Variants in TACR1 observed in about 807,000 individuals in gnomAD.
TACR1 encodes tachykinin receptor 1, also known as substance-P receptor.
In TACR1, 25 loss-of-function variants were observed where a neutral mutation model predicts 35.8. The observed-to-expected ratio is 0.70, with a 90% CI of 0.51 to 0.98. The LOEUF (loss-of-function observed/expected upper bound fraction) is 0.98. Among genes scored for constraint, TACR1 ranks in the 50% least tolerant of loss-of-function variants. The pLI is 0.00. For synonymous variants in TACR1, 195 were observed against 206.7 expected, an observed-to-expected ratio of 0.94 and a Z score of 0.48; for missense variants, 478 against 522.9, an observed-to-expected ratio of 0.91 and a Z score of 0.84.
chr2:75,193,519 A>C (rs961514982), intron 1 of TACR1, among the ~76,000 whole-genome samples: 1 of 152,222 alleles, frequency 6.6e-6, no homozygotes, highest in Non-Finnish European at 1.5e-5. Context: ...TTTTCTGGGC[A>C]ACTCCTCAAT....
At chr2:75,094,859 A>ATATATATATATATTTTT in intron 2 of TACR1, among the ~76,000 whole-genome samples, 1 of 113,134 alleles carries the variant, frequency 8.8e-6, no homozygotes, top group Admixed American at 8.5e-5. Context: ...ATATATATAT[A>ATATATATATATATTTTT]TTTTTTTTTT....
chr2:75,130,717 C>T (rs1396514197), intron 1 of TACR1, among the ~76,000 whole-genome samples: 1 of 152,226 alleles, frequency 6.6e-6, no homozygotes, highest in South Asian at 2.1e-4. Context: ...GCGTTAATCA[C>T]TGAACCTGTG....
intron 1 of TACR1, among the ~76,000 whole-genome samples, chr2:75,122,657 G>T (rs1259587948): frequency 6.6e-6 from 1 of 152,136 alleles, no homozygotes; most frequent in Non-Finnish European, 1.5e-5. Flanking sequence ...ATGATGTTGG[G>T]GGTGTGTAGT....
At chr2:75,084,268 G>T (rs1673148954) in intron 2 of TACR1, among the ~76,000 whole-genome samples, 1 of 152,164 alleles carries the variant, frequency 6.6e-6, no homozygotes, top group Non-Finnish European at 1.5e-5. Context: ...TGCATCCCAG[G>T]GATGAAGCCC....
intron 1 of TACR1, among the ~76,000 whole-genome samples, chr2:75,142,801 G>C (rs1359948192): frequency 2.0e-5 from 3 of 152,128 alleles, no homozygotes; most frequent in Non-Finnish European, 4.4e-5. Flanking sequence ...CATCCCAGTT[G>C]TTTTATAAAT....
chr2:75,125,473 C>A (rs903910025), intron 1 of TACR1, among the ~76,000 whole-genome samples: 1 of 152,296 alleles, frequency 6.6e-6, no homozygotes, highest in African/African-American at 2.4e-5. Context: ...GCATGAGCCA[C>A]CGCGCCGGGC....
intron 1 of TACR1, among the ~76,000 whole-genome samples, chr2:75,182,016 C>G (rs1316008031): frequency 6.6e-6 from 1 of 152,224 alleles, no homozygotes; most frequent in Non-Finnish European, 1.5e-5. Context: ...GTCTGTGGAT[C>G]AGTGATGTAC....
chr2:75,150,831 A>T (rs1674653040), intron 1 of TACR1, among the ~76,000 whole-genome samples: 1 of 152,226 alleles, frequency 6.6e-6, no homozygotes, highest in South Asian at 2.1e-4. Context: ...AGACTTGTTG[A>T]ATGGTTTTGC....
chr2:75,143,126 G>A (rs1329529228), intron 1 of TACR1, among the ~76,000 whole-genome samples: 1 of 152,182 alleles, frequency 6.6e-6, no homozygotes, highest in Non-Finnish European at 1.5e-5. Context: ...GCCCTGTGGT[G>A]TGAGCTGCCA....
At chr2:75,175,551 A>C (rs536070244) in intron 1 of TACR1, among the ~76,000 whole-genome samples, 45 of 152,154 alleles carry the variant, frequency 3.0e-4, no homozygotes, top group African/African-American at 1.1e-3. Context: ...GGCTGCCTTT[A>C]TTTCTTTGCT....
At chr2:75,131,358 G>T (rs540280533) in intron 1 of TACR1, among the ~76,000 whole-genome samples, 3 of 152,088 alleles carry the variant, frequency 2.0e-5, no homozygotes, top group African/African-American at 2.4e-5. Context: ...AAAGTGCTGG[G>T]ATTACAGGTG....
At chr2:75,130,710 T>G in intron 1 of TACR1, among the ~76,000 whole-genome samples, 1 of 152,196 alleles carries the variant, frequency 6.6e-6, no homozygotes. Flanking sequence ...CACCAAAGCG[T>G]TAATCACTGA....
intron 2 of TACR1, among the ~76,000 whole-genome samples, chr2:75,107,425 C>T (rs1673671191): frequency 6.6e-6 from 1 of 151,794 alleles, no homozygotes; most frequent in African/African-American, 2.4e-5. Flanking sequence ...AAAGAGCATT[C>T]TAATAAGTCC....
rs185055225 is a variant in TACR1, at chr2:75,121,053, G to T, written c.390-285C>A. ...TCATCATTGAAATGCTTGTGCTGGG[G>T]ACAGGACAGCCAAGTACAGGTAAGT... On this transcript the variant is annotated intron_variant, in intron 1 of 4. Transcript: ENST00000305249. 8.6e-3 allele frequency among the ~76,000 whole-genome samples: 1,307 copies of T among 152,294 alleles called. 5 individuals carry two copies. The highest frequency in any genetic ancestry group is 0.017 in the Middle Eastern group (5 of 294).
At chr2:75,094,859 A>ATATT in intron 2 of TACR1, among the ~76,000 whole-genome samples, 74 of 113,112 alleles carry the variant, frequency 6.5e-4, no homozygotes, top group African/African-American at 3.1e-3. Flanking sequence ...ATATATATAT[A>ATATT]TTTTTTTTTT....
intron 2 of TACR1, among the ~76,000 whole-genome samples, chr2:75,101,622 C>G (rs918723409): frequency 8.6e-5 from 13 of 152,044 alleles, no homozygotes; most frequent in African/African-American, 2.9e-4. Context: ...TGGAACTGCA[C>G]CTGATAAATA....
At chr2:75,066,979 A>C (rs1480826339) in intron 2 of TACR1, among the ~76,000 whole-genome samples, 1 of 152,032 alleles carries the variant, frequency 6.6e-6, no homozygotes, top group Non-Finnish European at 1.5e-5. Flanking sequence ...CTCGTCTTAC[A>C]AAAAAAAGGT....
chr2:75,131,208 C>T (rs568270107), intron 1 of TACR1, among the ~76,000 whole-genome samples: 1 of 152,118 alleles, frequency 6.6e-6, no homozygotes, highest in Admixed American at 6.5e-5. Flanking sequence ...CCTGTCTCAG[C>T]CTCTCGAGTA....
chr2:75,192,139 A>T lies in TACR1; in HGVS notation c.389+6407T>A, dbSNP rs141590148. On this transcript the variant is annotated intron_variant, in intron 1 of 4. Transcript: ENST00000305249. ...TAGGTGTCTAGGTGATGCTAGACAG[A>T]GTGATGGTAGTAAGGTAACTCTGTT... Among the ~76,000 whole-genome samples the T allele has an allele frequency of 3.3e-4, 50 of 152,190 alleles. 2 individuals carry two copies. Among genetic ancestry groups the T allele is most frequent in the Admixed American group, 2.0e-4 (3 of 15,262 alleles).
Sources: gnomAD v4.1 joint callset for allele counts (sites outside exome capture counted in the v4.1 genomes callset) on GRCh38, gnomAD v4.1.1 for gene constraint, MANE v1.5 for transcripts, NCBI Gene and HGNC (gene_info 2026-07-23, HGNC 2026-07-21) for gene names.